The following COX7B2 variants were observed in gnomAD, a reference collection of about 807,000 sequenced individuals.
COX7B2 encodes the protein cytochrome c oxidase subunit 7B2.
For synonymous variants in COX7B2, 37 were observed against 32.1 expected, an observed-to-expected ratio of 1.15 and a Z score of -0.51; for missense variants, 109 against 95.9, an observed-to-expected ratio of 1.14 and a Z score of -0.57.
chr4:46,821,906 T>TTTTG (rs200278172), intron 2 of COX7B2, among the ~76,000 whole-genome samples: 180 of 152,054 alleles, frequency 1.2e-3, no homozygotes, highest in African/African-American at 3.8e-3. Flanking sequence ...TTTTTGTTTG[T>TTTTG]TTTGTTTGTT....
At chr4:46,781,737 C>T (rs906717560) in intron 2 of COX7B2, among the ~76,000 whole-genome samples, 6 of 152,352 alleles carry the variant, frequency 3.9e-5, no homozygotes, top group African/African-American at 1.2e-4. Context: ...GCATGAGTTC[C>T]GGGTGGGCGC....
At chr4:46,862,218 A>T (rs749159056) in intron 1 of COX7B2, among the ~76,000 whole-genome samples, 3 of 152,192 alleles carry the variant, frequency 2.0e-5, no homozygotes, top group Admixed American at 1.3e-4. Flanking sequence ...TGTAATAAAA[A>T]CTACTTTACC....
At chr4:46,880,583 G>A (rs1560434711) in intron 1 of COX7B2, among the ~76,000 whole-genome samples, 1 of 151,956 alleles carries the variant, frequency 6.6e-6, no homozygotes, top group South Asian at 2.1e-4. Flanking sequence ...TGTACATAAG[G>A]TGTTCGTAGT....
At chr4:46,757,536 C>T (rs796451185) in intron 2 of COX7B2, among the ~76,000 whole-genome samples, 105 of 152,162 alleles carry the variant, frequency 6.9e-4, no homozygotes, top group African/African-American at 2.4e-3. Flanking sequence ...CTTTTGCAAG[C>T]CAAAGATCTT....
At chr4:46,755,170 G>A (rs1214195184) in intron 2 of COX7B2, among the ~76,000 whole-genome samples, 1 of 151,842 alleles carries the variant, frequency 6.6e-6, no homozygotes, top group Non-Finnish European at 1.5e-5. Flanking sequence ...CACATAAACA[G>A]AATTAAGGAC....
intron 1 of COX7B2, among the ~76,000 whole-genome samples, chr4:46,863,579 C>T (rs1052622991): frequency 6.6e-6 from 1 of 152,128 alleles, no homozygotes; most frequent in Admixed American, 6.5e-5. Context: ...AATTCCATAA[C>T]CTGTTCCTTT....
chr4:46,872,201 C>G lies in COX7B2; in HGVS notation c.-104-27187G>C, dbSNP rs549002309. Among the ~76,000 whole-genome samples the G allele has an allele frequency of 2.6e-5, 4 of 152,204 alleles. No homozygotes were observed. In the East Asian group the frequency reaches 7.7e-4, roughly 29 times the overall value. On this transcript the variant is annotated intron_variant, in intron 1 of 2. Transcript: ENST00000355591. ...AAGGATGGAGCTGGAGGCTATTATC[C>G]TCATAAAATTAATGCAGGAACAGAA... is the stretch of plus-strand genomic sequence containing the variant.
intron 2 of COX7B2, among the ~76,000 whole-genome samples, chr4:46,741,137 C>T (rs949363357): frequency 2.0e-5 from 3 of 151,936 alleles, no homozygotes; most frequent in Non-Finnish European, 4.4e-5. Flanking sequence ...CACTTAGCTT[C>T]GATATAGGCT....
chr4:46,795,566 T>C (rs56653693), intron 2 of COX7B2, among the ~76,000 whole-genome samples: 20,089 of 141,304 alleles, frequency 0.14, 2,066 homozygotes, highest in Admixed American at 0.3. Context: ...TATATCTCTG[T>C]TTTTGTACCA....
rs549061619 is a variant in COX7B2, at chr4:46,781,989, C to T, written c.-49-46748G>A. 2.8e-3 allele frequency among the ~76,000 whole-genome samples: 423 copies of T among 152,276 alleles called. 3 individuals are homozygous for T. The highest frequency in any genetic ancestry group is 4.0e-3 in the Admixed American group (61 of 15,284). On this transcript the variant is annotated intron_variant, in intron 2 of 2. Coordinates refer to ENST00000355591, the MANE Select transcript of COX7B2 (RefSeq NM_130902.3). ...CAGCCCGAGCCTCCCTGATGGGCGC[C>T]GCCCCCTGCTTGTGGCACCTGGTCG... is the stretch of plus-strand genomic sequence containing the variant.
At chr4:46,767,972 C>T (rs538415320) in intron 2 of COX7B2, among the ~76,000 whole-genome samples, 71 of 152,348 alleles carry the variant, frequency 4.7e-4, no homozygotes, top group African/African-American at 1.6e-3. Context: ...AGGGCTGGGG[C>T]GAGTGCCTTT....
intron 1 of COX7B2, among the ~76,000 whole-genome samples, chr4:46,892,666 C>A (rs1028320828): frequency 5.9e-5 from 9 of 152,148 alleles, no homozygotes; most frequent in African/African-American, 2.2e-4. Flanking sequence ...CAGAGAAAAT[C>A]AAAGTAGCCT....
intron 1 of COX7B2, among the ~76,000 whole-genome samples, chr4:46,901,685 G>A (rs186445908): frequency 1.6e-4 from 24 of 152,302 alleles, no homozygotes; most frequent in Admixed American, 3.3e-4. Flanking sequence ...GCGGACTTAC[G>A]TCAGCCAATC....
chr4:46,870,650 CA>C (rs1273270031), intron 1 of COX7B2, among the ~76,000 whole-genome samples: 2 of 152,080 alleles, frequency 1.3e-5, no homozygotes, highest in Non-Finnish European at 2.9e-5. Context: ...GATACAAAAT[CA>C]ACCTACAAAA....
chr4:46,823,576 T>A (rs1577612602), intron 2 of COX7B2, among the ~76,000 whole-genome samples: 1 of 149,320 alleles, frequency 6.7e-6, no homozygotes, highest in African/African-American at 2.5e-5. Flanking sequence ...TAATATAAAA[T>A]ACAATATATA....
At chr4:46,744,255 T>A (rs997291701) in intron 2 of COX7B2, among the ~76,000 whole-genome samples, 1 of 152,016 alleles carries the variant, frequency 6.6e-6, no homozygotes, top group East Asian at 1.9e-4. Context: ...ATCCAGACAA[T>A]GGGACACCAG....
intron 1 of COX7B2, among the ~76,000 whole-genome samples, chr4:46,866,456 A>G (rs887534385): frequency 1.3e-5 from 2 of 152,196 alleles, no homozygotes; most frequent in African/African-American, 4.8e-5. Context: ...TTTCTTTTGT[A>G]TATCAAAAAC....
intron 2 of COX7B2, among the ~76,000 whole-genome samples, chr4:46,749,307 C>T (rs1295648703): frequency 6.6e-6 from 1 of 152,026 alleles, no homozygotes; most frequent in Admixed American, 6.6e-5. Flanking sequence ...TATCTCAAAT[C>T]TGCTAACTTT....
At chr4:46,744,364 C>T (rs77864652) in intron 2 of COX7B2, among the ~76,000 whole-genome samples, 1 of 151,940 alleles carries the variant, frequency 6.6e-6, no homozygotes, top group Non-Finnish European at 1.5e-5. Context: ...TAATTTCAGT[C>T]GGTCGGAGAG....
Sources: gnomAD v4.1 joint callset for allele counts (sites outside exome capture counted in the v4.1 genomes callset) on GRCh38, gnomAD v4.1.1 for gene constraint, MANE v1.5 for transcripts, NCBI Gene and HGNC (gene_info 2026-07-23, HGNC 2026-07-21) for gene names.